Variants in MEGF6 observed in about 807,000 individuals in gnomAD.
MEGF6 encodes multiple EGF like domains 6.
A neutral mutation model predicts 207.1 loss-of-function variants in MEGF6; 184 were observed. That is an observed-to-expected ratio of 0.89 (90% confidence interval 0.79 to 1.00). MEGF6 has a LOEUF of 1.00. Among genes scored for constraint, MEGF6 ranks in the 50% least tolerant of loss-of-function variants. MEGF6 has a pLI of 0.00. For synonymous variants in MEGF6, 1,038 were observed against 910.0 expected, an observed-to-expected ratio of 1.14 and a Z score of -2.53; for missense variants, 2,282 against 2,202.9, an observed-to-expected ratio of 1.04 and a Z score of -0.72.
Position 3,501,916 on chromosome 1 carries a change from G to A in MEGF6, c.2194C>T (p.Pro732Ser), listed in dbSNP as rs1347456464. 2 of 1,593,760 alleles carry A rather than the reference G, an allele frequency of 1.3e-6. No individual in the cohort carries two copies. The highest frequency in any genetic ancestry group is 1.4e-5 in the African/African-American group (1 of 73,870). ...CAGTTCACGCCAAACGTCCCCACCGGGCACTCTGCAGGAGAAAGCACGAGG... is the reference window on the plus strand; with the variant it reads ...CAGTTCACGCCAAACGTCCCCACCGAGCACTCTGCAGGAGAAAGCACGAGG... Reference protein sequence around the residue: ...FQGEDCGQECPVGTFGVNCSS... With the variant: ...FQGEDCGQECSVGTFGVNCSS... Residue 732 changes from proline to serine, a missense_variant, in exon 18 of 37, where the codon CCG becomes TCG. By Grantham distance (74) the Pro-to-Ser change is moderately conservative. Coordinates refer to ENST00000356575, the MANE Select transcript of MEGF6 (RefSeq NM_001409.4).
chr1:3,514,566 G>T lies in MEGF6; in HGVS notation c.837C>A (p.Asp279Glu). 1 of 1,590,716 alleles carries T rather than the reference G, an allele frequency of 6.3e-7. No individual in the cohort carries two copies. The change falls in exon 7 of 37, where the codon GAC (aspartate) becomes GAA (glutamate). Residue 279 changes from aspartate to glutamate, a missense_variant. By Grantham distance (45) the Asp-to-Glu change is conservative. Transcript: ENST00000356575. ...GCGTCCTACCTTCACAGGCCTTGCC[G>T]TCCGCTGCTAGCTGATAGCCCACGT... ...ECHVGYQLAA[D>E]GKACEDVDEC...
intron 3 of MEGF6, among the ~76,000 whole-genome samples, chr1:3,590,034 C>A (rs1041251384): frequency 1.3e-5 from 2 of 152,246 alleles, no homozygotes; most frequent in Non-Finnish European, 2.9e-5. Context: ...CAGCTCCTAA[C>A]TGTATGCTGA....
chr1:3,611,200 GAGC>G lies in MEGF6; in HGVS notation c.66_68del (p.Leu23del), dbSNP rs752184096. On this transcript the variant is annotated inframe_deletion, in exon 1 of 37. Coordinates refer to ENST00000356575, the MANE Select transcript of MEGF6 (RefSeq NM_001409.4). ...CGCTGGCGCCCACGGGCACGGCGGGGAGCAGCAGCAGCACCAACGCCAGGACCA... is the reference window on the plus strand; with the variant it reads ...CGCTGGCGCCCACGGGCACGGCGGGGAGCAGCAGCACCAACGCCAGGACCA... 5.1e-6 allele frequency: 8 copies of G among 1,557,522 alleles called. No individual in the cohort carries two copies. Among genetic ancestry groups the G allele is most frequent in the East Asian group, 2.5e-5 (1 of 40,238 alleles).
intron 4 of MEGF6, among the ~76,000 whole-genome samples, chr1:3,545,323 A>G (rs66567626): frequency 0.044 from 6,755 of 152,222 alleles, 390 homozygotes; most frequent in East Asian, 0.25. Flanking sequence ...AGTCCCTGCC[A>G]GTGAGCAGCC....
At chr1:3,601,469 C>T (rs1332682184) in intron 2 of MEGF6, among the ~76,000 whole-genome samples, 1 of 152,216 alleles carries the variant, frequency 6.6e-6, no homozygotes, top group Non-Finnish European at 1.5e-5. Context: ...AACCTCAGCC[C>T]TCCTGAGATC....
At chr1:3,511,749 A>G (rs1641354151) in intron 8 of MEGF6, 62 bp from the exon 9 acceptor site, 2 of 1,565,072 alleles carry the variant, frequency 1.3e-6, no homozygotes, top group Admixed American at 3.5e-5. Context: ...CACCTACCTT[A>G]GTTACCCCTA....
chr1:3,508,434 G>T, intron 13 of MEGF6, 124 bp downstream of exon 13: 1 of 1,142,340 alleles, frequency 8.8e-7, no homozygotes, highest in Non-Finnish European at 1.2e-6. Flanking sequence ...GAATGGCTCT[G>T]CACAGAGCCC....
chr1:3,607,439 T>C (rs997744231), intron 1 of MEGF6, among the ~76,000 whole-genome samples: 3 of 152,096 alleles, frequency 2.0e-5, no homozygotes, highest in Non-Finnish European at 2.9e-5. Flanking sequence ...ACAAAATTGA[T>C]TGATCATCAA....
intron 4 of MEGF6, among the ~76,000 whole-genome samples, chr1:3,574,939 G>A (rs1405227491): frequency 6.6e-6 from 1 of 152,208 alleles, no homozygotes; most frequent in Non-Finnish European, 1.5e-5. Context: ...CACCACGCCT[G>A]GCTTGAGCCA....
chr1:3,531,400 G>T, intron 4 of MEGF6: 2 of 1,154,524 alleles, frequency 1.7e-6, no homozygotes, highest in African/African-American at 1.6e-5. Context: ...GGCGCCGCCC[G>T]GGAGCCGCTC....
intron 3 of MEGF6, among the ~76,000 whole-genome samples, chr1:3,580,272 G>C (rs1280854356): frequency 4.0e-5 from 6 of 151,740 alleles, no homozygotes; most frequent in African/African-American, 1.5e-4. Context: ...TGGGGGTGCA[G>C]GGGGGAGGGG....
intron 4 of MEGF6, among the ~76,000 whole-genome samples, chr1:3,534,514 T>C (rs116639953): frequency 0.027 from 4,123 of 152,180 alleles, 178 homozygotes; most frequent in African/African-American, 0.094. Flanking sequence ...TCCCCATCTG[T>C]AACACTAGCA....
chr1:3,599,601 C>T (rs897523351), intron 2 of MEGF6, among the ~76,000 whole-genome samples: 2 of 152,246 alleles, frequency 1.3e-5, no homozygotes, highest in Admixed American at 6.5e-5. Flanking sequence ...GGGTGCCTGC[C>T]GCCAAGCCTA....
At chr1:3,618,159 C>A in the MEGF6 span, among the ~76,000 whole-genome samples, 1 of 152,210 alleles carries the variant, frequency 6.6e-6, no homozygotes. The surrounding 1 kb of genome is among the most constrained non-coding windows in gnomAD (Gnocchi z 4.7). Context: ...GGAGGCAGGG[C>A]GCCCTGCTGT....
intron 4 of MEGF6, among the ~76,000 whole-genome samples, chr1:3,526,793 C>T (rs564641920): frequency 6.6e-6 from 1 of 152,294 alleles, no homozygotes; most frequent in African/African-American, 2.4e-5. Flanking sequence ...GCCAAAGAGT[C>T]ACCATGGGGA....
intron 4 of MEGF6, among the ~76,000 whole-genome samples, chr1:3,553,320 G>A (rs1642940820): frequency 6.6e-6 from 1 of 152,016 alleles, no homozygotes; most frequent in Non-Finnish European, 1.5e-5. Context: ...GCCTCCAGCA[G>A]GACCCCCGCT....
chr1:3,602,671 C>T, intron 1 of MEGF6, 71 bp from the exon 2 acceptor site: 1 of 1,536,812 alleles, frequency 6.5e-7, no homozygotes, highest in South Asian at 1.3e-5. Context: ...TCCTGCACCC[C>T]CAGCCTTGGG....
intron 4 of MEGF6, among the ~76,000 whole-genome samples, chr1:3,526,481 T>C (rs1641967856): frequency 6.9e-6 from 1 of 145,630 alleles, no homozygotes; most frequent in Non-Finnish European, 1.5e-5. Context: ...CATTGCAACC[T>C]CCACCTCCCA....
intron 5 of MEGF6, among the ~76,000 whole-genome samples, chr1:3,523,019 C>T (rs563850631): frequency 1.2e-4 from 18 of 151,840 alleles, no homozygotes; most frequent in African/African-American, 4.3e-4. Context: ...CCCAGGGAAA[C>T]TTTACAGAGC....
Sources: gnomAD v4.1 joint callset for allele counts (sites outside exome capture counted in the v4.1 genomes callset) on GRCh38, gnomAD v4.1.1 for gene constraint, Gnocchi (gnomAD v3.1) non-coding constraint, MANE v1.5 for transcripts, NCBI Gene and HGNC (gene_info 2026-07-23, HGNC 2026-07-21) for gene names.